The following BBS9 variants were observed in gnomAD, a reference collection of about 807,000 sequenced individuals.
The protein encoded by BBS9 is protein PTHB1.
Under a neutral mutation model 117.7 loss-of-function variants are expected in BBS9, and 89 were observed. The observed-to-expected ratio is 0.76, with a 90% confidence interval of 0.64 to 0.90. BBS9 has a LOEUF of 0.90. Among genes scored for constraint, BBS9 ranks in the 40% least tolerant of loss-of-function variants. The pLI is 0.00. For synonymous variants in BBS9, 379 were observed against 370.9 expected, an observed-to-expected ratio of 1.02 and a Z score of -0.25; for missense variants, 982 against 1,042.2, an observed-to-expected ratio of 0.94 and a Z score of 0.80.
At chr7:33,490,026 A>G (rs1055417926) in intron 19 of BBS9, among the ~76,000 whole-genome samples, 16 of 152,216 alleles carry the variant, frequency 1.1e-4, no homozygotes, top group Non-Finnish European at 2.1e-4. Flanking sequence ...TAGTAAATGG[A>G]TTCTATTAGA....
rs192980724 is a variant in BBS9 at position 33,411,278 on chromosome 7, A to G, written c.2115+23134A>G. On this transcript the variant is annotated intron_variant, in intron 19 of 22. Transcript: ENST00000242067. ...CCTGAAGTATCCCACATCCGAAACT[A>G]ATTTTTCTTGATTGTATCAAGTTCA... 4.9e-3 allele frequency among the ~76,000 whole-genome samples: 753 copies of G among 152,214 alleles called. 10 individuals are homozygous for G. The highest frequency in any genetic ancestry group is 0.017 in the African/African-American group (710 of 41,542).
chr7:33,479,590 A>G (rs1051354960), intron 19 of BBS9, among the ~76,000 whole-genome samples: 3 of 152,180 alleles, frequency 2.0e-5, no homozygotes, highest in Non-Finnish European at 4.4e-5. Flanking sequence ...AATGTGTTGT[A>G]GAATGATATA....
At chr7:33,599,042 A>T (rs1863387267) in intron 21 of BBS9, among the ~76,000 whole-genome samples, 1 of 152,166 alleles carries the variant, frequency 6.6e-6, no homozygotes, top group Admixed American at 6.5e-5. Context: ...GGTACCAGAG[A>T]CCAGATGGCC....
intron 14 of BBS9, chr7:33,351,877 C>CT (rs1554436806): frequency 1.1e-4 from 18 of 166,124 alleles, no homozygotes; most frequent in South Asian, 3.0e-4. Context: ...CATGTCCAGG[C>CT]AAGCCATAGG....
chr7:33,203,950 T>C (rs1786408843), intron 5 of BBS9, among the ~76,000 whole-genome samples: 1 of 150,376 alleles, frequency 6.6e-6, no homozygotes, highest in African/African-American at 2.4e-5. Context: ...CTCAAACTCC[T>C]GACCTCAGGT....
chr7:33,333,286 T>C (rs1401207099), intron 9 of BBS9, among the ~76,000 whole-genome samples: 1 of 152,212 alleles, frequency 6.6e-6, no homozygotes, highest in African/African-American at 2.4e-5. Context: ...AGCTTAGCTC[T>C]CACTTATAAG....
chr7:33,529,877 G>T (rs563092582), intron 20 of BBS9, among the ~76,000 whole-genome samples: 15 of 152,232 alleles, frequency 9.9e-5, no homozygotes, highest in African/African-American at 2.9e-4. Flanking sequence ...AAAGATAAAG[G>T]TTAGGTATGT....
chr7:33,607,112 T>C (rs1220730733), downstream of BBS9, among the ~76,000 whole-genome samples: 1 of 152,158 alleles, frequency 6.6e-6, no homozygotes, highest in African/African-American at 2.4e-5. Flanking sequence ...CCTGGTAGGA[T>C]AGATTTGCAA....
At chr7:33,308,697 A>C (rs959577511) in intron 9 of BBS9, among the ~76,000 whole-genome samples, 14 of 152,196 alleles carry the variant, frequency 9.2e-5, no homozygotes, top group Non-Finnish European at 1.5e-4. Flanking sequence ...TCAAGAGATG[A>C]ATAGATCTCT....
chr7:33,347,844 G>T (rs1376384879), intron 12 of BBS9, among the ~76,000 whole-genome samples: 1 of 151,828 alleles, frequency 6.6e-6, no homozygotes, highest in Non-Finnish European at 1.5e-5. Flanking sequence ...TTATGTTAAT[G>T]TATGTATCTG....
chr7:33,467,574 C>T (rs1275282788), intron 19 of BBS9, among the ~76,000 whole-genome samples: 1 of 144,262 alleles, frequency 6.9e-6, no homozygotes, highest in Non-Finnish European at 1.5e-5. Context: ...CCAACTCCGC[C>T]ACCTCCACTA....
At chr7:33,414,788 A>G (rs914772822) in intron 19 of BBS9, among the ~76,000 whole-genome samples, 1 of 152,188 alleles carries the variant, frequency 6.6e-6, no homozygotes, top group Admixed American at 6.5e-5. Context: ...CTATTTTCTT[A>G]GAATAAATTT....
At chr7:33,341,015 TA>T (rs756969283) in intron 11 of BBS9, 42 bp downstream of exon 11, 2 of 1,540,924 alleles carry the variant, frequency 1.3e-6, no homozygotes, top group Non-Finnish European at 1.8e-6. Flanking sequence ...ATAAGAGTGG[TA>T]AACTCTGATG....
At chr7:33,505,399 CAT>C in intron 19 of BBS9, 62 bp from the exon 20 acceptor site, 1 of 1,509,276 alleles carries the variant, frequency 6.6e-7, no homozygotes, top group Non-Finnish European at 9.2e-7. Flanking sequence ...GTGTGCCAGA[CAT>C]AATTTGTTGA....
chr7:33,530,038 T>G (rs931933488), intron 20 of BBS9, among the ~76,000 whole-genome samples: 57 of 152,224 alleles, frequency 3.7e-4, no homozygotes, highest in African/African-American at 1.3e-3. Context: ...GATTCTAGAT[T>G]CCACAGTTTT....
chr7:33,547,962 TAGG>T (rs982518144), intron 21 of BBS9, among the ~76,000 whole-genome samples: 4 of 152,144 alleles, frequency 2.6e-5, no homozygotes, highest in African/African-American at 9.7e-5. Context: ...AAGAAGCAAT[TAGG>T]AGCAACTGTA....
intron 21 of BBS9, among the ~76,000 whole-genome samples, chr7:33,611,748 TTTATATAATA>T (rs989479661): frequency 1.4e-4 from 20 of 139,226 alleles, no homozygotes; most frequent in African/African-American, 4.7e-4. Context: ...TATTTATTCC[TTTATATAATA>T]TTATATAATA....
intron 5 of BBS9, among the ~76,000 whole-genome samples, chr7:33,211,485 T>G (rs1392141613): frequency 6.6e-6 from 1 of 152,174 alleles, no homozygotes; most frequent in Non-Finnish European, 1.5e-5. Flanking sequence ...TTTTTTTTGT[T>G]TATTTTTGAT....
intron 21 of BBS9, among the ~76,000 whole-genome samples, chr7:33,615,413 A>G (rs1865081128): frequency 6.6e-6 from 1 of 152,112 alleles, no homozygotes; most frequent in East Asian, 1.9e-4. Context: ...TCTAAGAATT[A>G]AGAAGTGCTA....
Sources: gnomAD v4.1 joint callset for allele counts (sites outside exome capture counted in the v4.1 genomes callset) on GRCh38, gnomAD v4.1.1 for gene constraint, MANE v1.5 for transcripts, NCBI Gene and HGNC (gene_info 2026-07-23, HGNC 2026-07-21) for gene names.